Variants in NMNAT3 observed in about 807,000 individuals in gnomAD.
NMNAT3 encodes the protein nicotinamide/nicotinic acid mononucleotide adenylyltransferase 3.
NMNAT3 carries 21 observed loss-of-function variants against 24.8 expected under a neutral mutation model. The ratio of observed to expected loss-of-function variants is 0.85; its 90% CI spans 0.60 to 1.22. NMNAT3 has a LOEUF of 1.22. Among genes scored for constraint, NMNAT3 ranks in the 50% most tolerant of loss-of-function variants. The pLI is 0.00. For missense variants in NMNAT3, 387 were observed against 436.6 expected, an observed-to-expected ratio of 0.89 and a Z score of 1.01; for synonymous variants, 136 against 155.2, an observed-to-expected ratio of 0.88 and a Z score of 0.92.
chr3:139,591,054 G>T (rs967173700), intron 3 of NMNAT3, among the ~76,000 whole-genome samples: 3 of 151,914 alleles, frequency 2.0e-5, no homozygotes, highest in African/African-American at 4.8e-5. Context: ...TCCATCTGAG[G>T]TACCGGGTTC....
At chr3:139,564,051 C>A (rs1411809446) in intron 6 of NMNAT3, among the ~76,000 whole-genome samples, 2 of 152,178 alleles carry the variant, frequency 1.3e-5, no homozygotes, top group Non-Finnish European at 2.9e-5. Flanking sequence ...CAAAGAACAC[C>A]AATCTTGAGG....
chr3:139,639,066 G>A (rs558597427), intron 1 of NMNAT3, among the ~76,000 whole-genome samples: 1 of 152,196 alleles, frequency 6.6e-6, no homozygotes, highest in Admixed American at 6.5e-5. Flanking sequence ...AAGCTAAGTT[G>A]GGTCTTCTCC....
chr3:139,575,407 A>T (rs751650297), intron 5 of NMNAT3, among the ~76,000 whole-genome samples: 2 of 152,072 alleles, frequency 1.3e-5, no homozygotes, highest in Non-Finnish European at 2.9e-5. Context: ...CCACTTTCTA[A>T]CTGTAGGACT....
intron 1 of NMNAT3, among the ~76,000 whole-genome samples, chr3:139,655,698 T>A (rs187470919): frequency 7.9e-4 from 120 of 152,366 alleles, no homozygotes; most frequent in Non-Finnish European, 1.0e-3. Flanking sequence ...CACTGCTGCA[T>A]CTTTTGCCAA....
intron 3 of NMNAT3, among the ~76,000 whole-genome samples, chr3:139,614,836 A>C (rs904675385): frequency 1.3e-5 from 2 of 152,208 alleles, no homozygotes; most frequent in Non-Finnish European, 2.9e-5. Context: ...GACCGTGTAC[A>C]TATCTTGTTA....
intron 1 of NMNAT3, among the ~76,000 whole-genome samples, chr3:139,647,514 T>C (rs956771624): frequency 1.3e-5 from 2 of 152,196 alleles, no homozygotes; most frequent in African/African-American, 4.8e-5. Flanking sequence ...TCATTGCAGA[T>C]GTGATTAAGA....
intron 1 of NMNAT3, among the ~76,000 whole-genome samples, chr3:139,645,083 T>G (rs1469322281): frequency 1.3e-5 from 2 of 152,068 alleles, no homozygotes; most frequent in African/African-American, 2.4e-5. Context: ...ACGCCTGTAA[T>G]CCCAGCTACT....
At chr3:139,676,656 G>T (rs1221844742) in intron 1 of NMNAT3, among the ~76,000 whole-genome samples, 1 of 152,200 alleles carries the variant, frequency 6.6e-6, no homozygotes, top group African/African-American at 2.4e-5. Context: ...GGAGGGCAGG[G>T]CCCCTGTCTG....
intron 1 of NMNAT3, among the ~76,000 whole-genome samples, chr3:139,647,887 T>G (rs1052540397): frequency 4.6e-5 from 7 of 152,230 alleles, no homozygotes; most frequent in African/African-American, 1.7e-4. Context: ...CACAGAAAAC[T>G]AATACACTCA....
chr3:139,564,915 C>T (rs1316464472), intron 6 of NMNAT3, among the ~76,000 whole-genome samples: 1 of 152,130 alleles, frequency 6.6e-6, no homozygotes, highest in African/African-American at 2.4e-5. Flanking sequence ...ATAACAACAA[C>T]AATATTAATT....
At chr3:139,643,258 T>C (rs2056765815) in intron 1 of NMNAT3, among the ~76,000 whole-genome samples, 1 of 152,196 alleles carries the variant, frequency 6.6e-6, no homozygotes, top group Non-Finnish European at 1.5e-5. Flanking sequence ...CCGTGCATTG[T>C]TGGTGGGAAT....
intron 1 of NMNAT3, among the ~76,000 whole-genome samples, chr3:139,655,005 C>A (rs1483493488): frequency 6.6e-6 from 1 of 152,122 alleles, no homozygotes; most frequent in Non-Finnish European, 1.5e-5. Context: ...CAGAGGAGAG[C>A]CCTAGGCTCG....
intron 1 of NMNAT3, among the ~76,000 whole-genome samples, chr3:139,676,005 C>T (rs961023915): frequency 6.6e-6 from 1 of 152,216 alleles, no homozygotes; most frequent in Admixed American, 6.5e-5. Context: ...CTGTGACCAC[C>T]AAGCCTGGAG....
intron 6 of NMNAT3, chr3:139,566,303 T>G (rs1233626351): frequency 2.0e-5 from 3 of 151,954 alleles, no homozygotes; most frequent in South Asian, 2.1e-4. Flanking sequence ...TTTCTCCCAT[T>G]CTGTAAGTTA....
At chr3:139,642,470 G>A (rs1395654752) in intron 1 of NMNAT3, among the ~76,000 whole-genome samples, 1 of 152,238 alleles carries the variant, frequency 6.6e-6, no homozygotes, top group East Asian at 1.9e-4. Context: ...GCCTGAGGAG[G>A]CCTTGGTGTA....
At chr3:139,571,145 A>G (rs1313717465) in intron 6 of NMNAT3, 2 of 152,272 alleles carry the variant, frequency 1.3e-5, no homozygotes, top group East Asian at 1.9e-4. Flanking sequence ...GGACCCTCCG[A>G]GCCATGTGTG....
At chr3:139,659,618 A>C (rs1162851304) in intron 1 of NMNAT3, among the ~76,000 whole-genome samples, 1 of 152,250 alleles carries the variant, frequency 6.6e-6, no homozygotes, top group East Asian at 1.9e-4. Flanking sequence ...AAAGATAAGA[A>C]AAACCTCATG....
chr3:139,596,939 TATATATATATATATA>T (rs2054497551), intron 3 of NMNAT3, among the ~76,000 whole-genome samples: 1 of 111,104 alleles, frequency 9.0e-6, no homozygotes. Flanking sequence ...TATATATATA[TATATATATATATATA>T]TATATATATA....
chr3:139,563,057 C>A (rs1271736431), intron 6 of NMNAT3, among the ~76,000 whole-genome samples: 17 of 152,166 alleles, frequency 1.1e-4, no homozygotes, highest in Admixed American at 5.2e-4. Flanking sequence ...ATTCACTTAT[C>A]CATTTACTCA....
Sources: gnomAD v4.1 joint callset for allele counts (sites outside exome capture counted in the v4.1 genomes callset) on GRCh38, gnomAD v4.1.1 for gene constraint, MANE v1.5 for transcripts, NCBI Gene and HGNC (gene_info 2026-07-23, HGNC 2026-07-21) for gene names.